The following SEPTIN9 variants were observed in gnomAD, a reference collection of about 807,000 sequenced individuals.
The protein encoded by SEPTIN9 is septin-9.
In SEPTIN9, 13 loss-of-function variants were observed where a neutral mutation model predicts 56.6. The ratio of observed to expected loss-of-function variants is 0.23; its 90% confidence interval spans 0.15 to 0.37. The LOEUF (loss-of-function observed/expected upper bound fraction) is 0.37, where lower values mean the gene tolerates loss of function less well. Ranked by LOEUF, SEPTIN9 falls within the 10% of genes least tolerant of loss-of-function variation. The pLI is 1.00. For synonymous variants in SEPTIN9, 332 were observed against 334.1 expected (o/e 0.99, Z 0.07); for missense variants, 650 against 823.1 (o/e 0.79, Z 2.57).
Position 77,329,769 on chromosome 17 carries a change from G to T in SEPTIN9, c.76+22572G>T, listed in dbSNP as rs942505615. On this transcript the variant is annotated intron_variant, in intron 2 of 11. Coordinates refer to ENST00000427177, the MANE Select transcript of SEPTIN9 (RefSeq NM_001113491.2). The surrounding 1 kb of genome is among the most constrained non-coding windows in gnomAD (Gnocchi z 4.3). ...GTTTCTTCCCAGCCTCTGACTCGGG[G>T]CAAGGTTCAGATATCCAGAACATTC... Among the ~76,000 whole-genome samples, 6 of 152,176 alleles carry T rather than the reference G, an allele frequency of 3.9e-5. No homozygotes were observed. The highest frequency in any genetic ancestry group is 1.4e-4 in the African/African-American group (6 of 41,432).
At chr17:77,340,486 G>T (rs2033693577) in intron 2 of SEPTIN9, among the ~76,000 whole-genome samples, 1 of 152,136 alleles carries the variant, frequency 6.6e-6, no homozygotes, top group African/African-American at 2.4e-5. Flanking sequence ...AAACAGATGT[G>T]CTGTCAAGTA....
chr17:77,354,514 C>T (rs2034161305), intron 2 of SEPTIN9, among the ~76,000 whole-genome samples: 1 of 152,186 alleles, frequency 6.6e-6, no homozygotes, highest in Non-Finnish European at 1.5e-5. Context: ...CAGCCTGGAG[C>T]CTCCTTTCCA....
rs543914522 is a variant in SEPTIN9, at chr17:77,331,724, G to T, written c.76+24527G>T. ...CGGGCGAGGGGAAGTGGAGTGCAGA[G>T]AATGCACCGGAGGGCAGATGACCAG... is the stretch of plus-strand genomic sequence containing the variant. On this transcript the variant is annotated intron_variant, in intron 2 of 11. Transcript: ENST00000427177. Among the ~76,000 whole-genome samples the T allele has an allele frequency of 2.6e-5, 4 of 152,238 alleles. No individual in the cohort carries two copies. In the South Asian group the frequency reaches 8.3e-4, roughly 32 times the overall value.
chr17:77,455,892 G>T (rs183044857), intron 3 of SEPTIN9, among the ~76,000 whole-genome samples: 1 of 152,292 alleles, frequency 6.6e-6, no homozygotes, highest in Non-Finnish European at 1.5e-5. Flanking sequence ...TGCACGCTCC[G>T]CACAAGGTCT....
At chr17:77,395,775 A>C (rs561040290) in intron 2 of SEPTIN9, among the ~76,000 whole-genome samples, 4 of 152,306 alleles carry the variant, frequency 2.6e-5, no homozygotes, top group African/African-American at 9.6e-5. Flanking sequence ...TTTTTACTTA[A>C]TATTCTCGGC....
At chr17:77,283,045 G>A (rs2031104453) in intron 1 of SEPTIN9, among the ~76,000 whole-genome samples, 1 of 152,126 alleles carries the variant, frequency 6.6e-6, no homozygotes, top group South Asian at 2.1e-4. Flanking sequence ...TGCCGGAAGG[G>A]CCCTGAGGCA....
At position 77,433,220 on chromosome 17, in the gene SEPTIN9, C is replaced by T. The variant is rs763160309; in HGVS notation, c.721+30517C>T. Among the ~76,000 whole-genome samples the T allele has an allele frequency of 2.6e-5, 4 of 152,168 alleles. No homozygotes were observed. Among genetic ancestry groups the T allele is most frequent in the African/African-American group, 4.8e-5 (2 of 41,446 alleles). On this transcript the variant is annotated intron_variant, in intron 3 of 11. Coordinates refer to ENST00000427177, the MANE Select transcript of SEPTIN9 (RefSeq NM_001113491.2). The surrounding 1 kb of genome is among the most constrained non-coding windows in gnomAD (Gnocchi z 6.4). Reference sequence around the variant, plus strand: ...CCATCTCCAGCCGTGGTGTCCCTCTCGGTCACAGGATGCTGCAGCCACGTT... The same window carrying T: ...CCATCTCCAGCCGTGGTGTCCCTCTTGGTCACAGGATGCTGCAGCCACGTT...
intron 3 of SEPTIN9, among the ~76,000 whole-genome samples, chr17:77,428,668 A>T (rs1183376351): frequency 6.6e-6 from 1 of 152,190 alleles, no homozygotes; most frequent in Non-Finnish European, 1.5e-5. Context: ...ACACAGCGAC[A>T]GCTCAGGCTA....
rs2040425373 is a variant in SEPTIN9 at position 77,499,615 on chromosome 17, G to A, written c.*957G>A. 1 of 435,256 alleles carries A rather than the reference G, an allele frequency of 2.3e-6. No homozygotes were observed. The highest frequency in any genetic ancestry group is 4.4e-6 in the Non-Finnish European group (1 of 228,650). 27.0% of individuals were successfully genotyped at this position (435,256 alleles called of 1,614,324 possible). A position where few individuals can be genotyped will look rare whatever the true frequency, so the allele number is the denominator to read the frequency against. ...TGGTCAGAGTGGCGTGAGCTGCCCG[G>A]CGCCTGCCCTGCCCAAGTGACCAGG... is the stretch of plus-strand genomic sequence containing the variant. On this transcript the variant is annotated 3_prime_UTR_variant, in exon 12 of 12. Transcript: ENST00000427177.
intron 3 of SEPTIN9, among the ~76,000 whole-genome samples, chr17:77,468,125 C>T (rs571824087): frequency 1.8e-4 from 27 of 152,114 alleles, no homozygotes; most frequent in South Asian, 6.2e-4. Flanking sequence ...ATTAGCCGGG[C>T]GTGGTGGCGG....
rs141202273 is a variant in SEPTIN9, at chr17:77,327,085, A to G, written c.76+19888A>G. ...AGGAACATGTGTAAAAGAAAAAAAA[A>G]AGAATAAACCATAGCTGCTGTAGCA... On this transcript the variant is annotated intron_variant, in intron 2 of 11. Coordinates refer to ENST00000427177, the MANE Select transcript of SEPTIN9 (RefSeq NM_001113491.2). This position sits in a 1 kb window ranked among gnomAD's most constrained non-coding sequence, Gnocchi z 5.0. 3.3e-5 allele frequency among the ~76,000 whole-genome samples: 5 copies of G among 152,226 alleles called. No homozygotes were observed. The East Asian group carries it at 9.6e-4, about 29-fold the overall frequency.
At chr17:77,363,449 G>A (rs2034482443) in intron 2 of SEPTIN9, among the ~76,000 whole-genome samples, 1 of 141,558 alleles carries the variant, frequency 7.1e-6, no homozygotes, top group African/African-American at 2.6e-5. Flanking sequence ...GTGCAGTGGT[G>A]TAATCTTGGC....
intron 2 of SEPTIN9, among the ~76,000 whole-genome samples, chr17:77,383,813 C>T (rs946581479): frequency 1.7e-4 from 26 of 152,284 alleles, no homozygotes; most frequent in African/African-American, 5.5e-4. Context: ...CCCAGCGTGC[C>T]GGCTCACATC....
At chr17:77,448,217 A>G (rs867901935) in intron 3 of SEPTIN9, among the ~76,000 whole-genome samples, 1 of 152,144 alleles carries the variant, frequency 6.6e-6, no homozygotes, top group East Asian at 1.9e-4. Context: ...TCACGCGTGT[A>G]ATCTCAGCAC....
intron 2 of SEPTIN9, among the ~76,000 whole-genome samples, chr17:77,352,126 G>GGT (rs1568008820): frequency 2.6e-5 from 4 of 152,190 alleles, no homozygotes; most frequent in African/African-American, 9.7e-5. Flanking sequence ...GGCCACGTGC[G>GGT]GTGGCTCATG....
At chr17:77,396,920 T>A (rs1450447516) in intron 2 of SEPTIN9, 1 of 154,802 alleles carries the variant, frequency 6.5e-6, no homozygotes, top group Non-Finnish European at 1.5e-5. Context: ...TCCTCTGGGC[T>A]CCTGATGTGG....
At chr17:77,373,586 G>T (rs757589865) in intron 2 of SEPTIN9, 9 of 1,539,328 alleles carry the variant, frequency 5.8e-6, no homozygotes, top group Non-Finnish European at 7.9e-6. Flanking sequence ...GGCCGCGGAC[G>T]TGCTGGAGAG....
intron 1 of SEPTIN9, among the ~76,000 whole-genome samples, chr17:77,291,324 G>A (rs2031541575): frequency 6.7e-6 from 1 of 148,554 alleles, no homozygotes; most frequent in Non-Finnish European, 1.5e-5. Flanking sequence ...GGGAGCCACC[G>A]CGCCTGGCAT....
At chr17:77,415,781 C>T (rs1006029745) in intron 3 of SEPTIN9, among the ~76,000 whole-genome samples, 7 of 152,186 alleles carry the variant, frequency 4.6e-5, no homozygotes, top group African/African-American at 1.7e-4. Flanking sequence ...GGAAGCATGG[C>T]GAGGTGGACG....
Sources: gnomAD v4.1 joint callset for allele counts (sites outside exome capture counted in the v4.1 genomes callset) on GRCh38, gnomAD v4.1.1 for gene constraint, Gnocchi (gnomAD v3.1) non-coding constraint, MANE v1.5 for transcripts, NCBI Gene and HGNC (gene_info 2026-07-23, HGNC 2026-07-21) for gene names.